Variants in C10orf67 observed in about 807,000 individuals in gnomAD.
C10orf67 encodes uncharacterized protein C10orf67, mitochondrial.
C10orf67 carries 60 observed loss-of-function variants against 35.6 expected under a neutral mutation model. The ratio of observed to expected loss-of-function variants is 1.68; its 90% CI spans 1.37 to 2.09. C10orf67 has a LOEUF of 2.09. C10orf67 is among the 30% of genes most tolerant of loss of function. The pLI, the probability that C10orf67 is intolerant of heterozygous loss-of-function variation, is 0.00. For missense variants in C10orf67, 474 were observed against 330.2 expected, an observed-to-expected ratio of 1.44 and a Z score of -3.38; for synonymous variants, 167 against 115.8, an observed-to-expected ratio of 1.44 and a Z score of -2.84.
rs958382474 is a variant in C10orf67, at chr10:23,203,519, A to C, written c.*654T>G. 5.3e-5 allele frequency: 8 copies of C among 152,214 alleles called. No homozygotes were observed. Among genetic ancestry groups the C allele is most frequent in the African/African-American group, 1.9e-4 (8 of 41,456 alleles). 9.4% of individuals were successfully genotyped at this position (152,214 alleles called of 1,614,324 possible). ...AATAGAAAGAACCAAGTTGGACATT[A>C]CGCATGGAAGAAAAGCAAACCCGCC... On this transcript the variant is annotated 3_prime_UTR_variant, in exon 16 of 16. Coordinates refer to ENST00000636213, the MANE Select transcript of C10orf67 (RefSeq NM_001371909.1).
intron 7 of C10orf67, among the ~76,000 whole-genome samples, chr10:23,284,717 AAAC>A (rs1453107287): frequency 3.3e-5 from 5 of 151,932 alleles, no homozygotes; most frequent in African/African-American, 7.3e-5. Flanking sequence ...ACAAACAAAC[AAAC>A]AAAAAAACCT....
intron 10 of C10orf67, among the ~76,000 whole-genome samples, chr10:23,251,940 A>G (rs1842465606): frequency 6.6e-6 from 1 of 152,224 alleles, no homozygotes; most frequent in African/African-American, 2.4e-5. Flanking sequence ...ACTGTCTTAT[A>G]TAATTTAGAT....
intron 8 of C10orf67, among the ~76,000 whole-genome samples, chr10:23,273,964 C>A (rs1036536679): frequency 6.6e-6 from 1 of 152,014 alleles, no homozygotes; most frequent in Non-Finnish European, 1.5e-5. Context: ...GTTGGCCAGT[C>A]TGAGAAATAA....
chr10:23,212,172 C>A (rs1431599022), intron 15 of C10orf67, among the ~76,000 whole-genome samples: 1 of 152,134 alleles, frequency 6.6e-6, no homozygotes. Flanking sequence ...ATGTCATCTA[C>A]AGGTAAAGGA....
rs1588586419 is a variant in C10orf67, at chr10:23,223,519, T to C, written c.1570+79A>G. The C allele has an allele frequency of 4.2e-6, 3 of 707,122 alleles. No homozygotes were observed. In the East Asian group the frequency reaches 8.1e-5, roughly 19 times the overall value. The allele number at this position is 707,122 out of a possible 1,614,324, so 43.8% of individuals were successfully genotyped here. Reference sequence around the variant, plus strand: ...ACCCAGAATACCAAATACCTCAGGGTAAAAAAGAAAAGCAAAGTTAATCTA... The same window carrying C: ...ACCCAGAATACCAAATACCTCAGGGCAAAAAAGAAAAGCAAAGTTAATCTA... On this transcript the variant is annotated intron_variant, in intron 15 of 15. Transcript: ENST00000636213.
chr10:23,277,445 T>C (rs1313360613), intron 8 of C10orf67, among the ~76,000 whole-genome samples: 1 of 151,234 alleles, frequency 6.6e-6, no homozygotes, highest in African/African-American at 2.4e-5. Context: ...CCCAGCTACT[T>C]GGGAGGCTGA....
At chr10:23,327,501 C>T (rs2132363583) in intron 2 of C10orf67, among the ~76,000 whole-genome samples, 1 of 152,182 alleles carries the variant, frequency 6.6e-6, no homozygotes, top group Middle Eastern at 3.4e-3. Context: ...AGAAAAAATA[C>T]ATAAATTCAA....
downstream of C10orf67, chr10:23,202,615 T>C (rs1446553068): frequency 6.6e-6 from 1 of 152,190 alleles, no homozygotes; most frequent in Non-Finnish European, 1.5e-5. Context: ...ACAACAGATA[T>C]AGGGCAGGAC....
Position 23,220,887 on chromosome 10 carries a change from G to A in C10orf67, c.1570+2711C>T, listed in dbSNP as rs149518742. 3.2e-3 allele frequency among the ~76,000 whole-genome samples: 490 copies of A among 152,212 alleles called. 4 individuals are homozygous for A. The highest frequency in any genetic ancestry group is 0.011 in the African/African-American group (466 of 41,538). On this transcript the variant is annotated intron_variant, in intron 15 of 15. Transcript: ENST00000636213. ...GTTCAACCTTTGATGCCAATATGAGGATTCTGTAACAGAAACGATAATATT... is the reference window on the plus strand; with the variant it reads ...GTTCAACCTTTGATGCCAATATGAGAATTCTGTAACAGAAACGATAATATT...
intron 5 of C10orf67, among the ~76,000 whole-genome samples, chr10:23,292,585 A>C (rs2132263581): frequency 6.6e-6 from 1 of 152,292 alleles, no homozygotes; most frequent in East Asian, 1.9e-4. Context: ...TTTAAGGTTA[A>C]GGATATGTGG....
At chr10:23,301,533 T>TG (rs1055639422) in intron 5 of C10orf67, among the ~76,000 whole-genome samples, 2 of 152,202 alleles carry the variant, frequency 1.3e-5, no homozygotes, top group African/African-American at 4.8e-5. Flanking sequence ...AAAATGTTAC[T>TG]GGGGGGTCCT....
chr10:23,261,932 A>G (rs763992581), intron 10 of C10orf67, among the ~76,000 whole-genome samples: 2 of 152,224 alleles, frequency 1.3e-5, no homozygotes, highest in African/African-American at 2.4e-5. Context: ...ATAAGTTCCT[A>G]AAGAAAACAA....
chr10:23,230,197 A>G (rs10828417), intron 13 of C10orf67, among the ~76,000 whole-genome samples: 20,187 of 152,122 alleles, frequency 0.13, 2,487 homozygotes, highest in East Asian at 0.62. Context: ...GACAGGTGGA[A>G]TTATATATCA....
intron 4 of C10orf67, chr10:23,318,714 T>G (rs1306787874): frequency 3.4e-6 from 2 of 589,420 alleles, no homozygotes; most frequent in Non-Finnish European, 6.1e-6. Context: ...CTGGGATGTT[T>G]TCAGCTGCAA....
At chr10:23,271,677 T>C (rs1252480142) in intron 8 of C10orf67, among the ~76,000 whole-genome samples, 1 of 152,244 alleles carries the variant, frequency 6.6e-6, no homozygotes, top group African/African-American at 2.4e-5. Flanking sequence ...AGACTAATGA[T>C]GTTGAGCATC....
chr10:23,209,805 G>T (rs561163875), intron 15 of C10orf67, among the ~76,000 whole-genome samples: 1 of 152,114 alleles, frequency 6.6e-6, no homozygotes, highest in Non-Finnish European at 1.5e-5. Context: ...TTCAAGACCA[G>T]CCTGGGCAAC....
intron 2 of C10orf67, among the ~76,000 whole-genome samples, chr10:23,330,061 A>T (rs1588703411): frequency 6.6e-6 from 1 of 152,228 alleles, no homozygotes; most frequent in Admixed American, 6.5e-5. Context: ...ATTCAAACCC[A>T]GTCATACATG....
chr10:23,217,977 T>G (rs182161618), intron 15 of C10orf67, among the ~76,000 whole-genome samples: 16 of 152,304 alleles, frequency 1.1e-4, no homozygotes, highest in African/African-American at 3.8e-4. Flanking sequence ...ATTTCTAACA[T>G]TTTTCAATCC....
At chr10:23,321,957 C>T (rs370443691) in intron 3 of C10orf67, among the ~76,000 whole-genome samples, 1 of 152,050 alleles carries the variant, frequency 6.6e-6, no homozygotes, top group East Asian at 1.9e-4. Context: ...CTGGCTCATG[C>T]TTTTATTCTT....
Sources: allele counts gnomAD v4.1 joint callset (sites outside exome capture counted in the v4.1 genomes callset), GRCh38; gene constraint gnomAD v4.1.1; transcripts MANE v1.5; gene names NCBI Gene and HGNC (gene_info 2026-07-23, HGNC 2026-07-21).